PAX4: variants seen among roughly 807,000 people sequenced by gnomAD.
PAX4 encodes the protein paired box 4.
In PAX4, 33 loss-of-function variants were observed where a neutral mutation model predicts 40.6. That is an observed-to-expected ratio of 0.81 (90% CI 0.62 to 1.09). The LOEUF (loss-of-function observed/expected upper bound fraction) is 1.09, where lower values mean the gene tolerates loss of function less well. Ranked by LOEUF, PAX4 falls within the 50% of genes least tolerant of loss-of-function variation. PAX4 has a pLI of 0.00. For missense variants in PAX4, 459 were observed against 442.5 expected, an observed-to-expected ratio of 1.04 and a Z score of -0.33; for synonymous variants, 174 against 170.6, an observed-to-expected ratio of 1.02 and a Z score of -0.16.
Position 127,611,684 on chromosome 7 carries a change from A to G in PAX4, c.772-8T>C. The G allele has an allele frequency of 6.2e-7, 1 of 1,609,260 alleles. No homozygotes were observed. The highest frequency in any genetic ancestry group is 2.2e-5 in the East Asian group (1 of 44,878). On this transcript the variant is annotated splice_region_variant and splice_polypyrimidine_tract_variant and intron_variant, in intron 10 of 11. Coordinates refer to ENST00000639438, the MANE Select transcript of PAX4 (RefSeq NM_001366110.1). ...CACACTGCCAGGGGACTGCTAAAAA[A>G]AAAAAGCAAGAGAAGAACCTTAGCT...
chr7:127,613,161 T>C, intron 8 of PAX4, 70 bp from the exon 9 acceptor site: 2 of 1,265,686 alleles, frequency 1.6e-6, no homozygotes, highest in Non-Finnish European at 2.3e-6. Flanking sequence ...TCTCACCACA[T>C]GTTCCTAGCC....
intron 9 of PAX4, among the ~76,000 whole-genome samples, chr7:127,612,627 A>G (rs931900379): frequency 6.8e-4 from 99 of 145,050 alleles, no homozygotes; most frequent in Non-Finnish European, 1.1e-3. Flanking sequence ...GCATGGATAG[A>G]TGGGTGGATA....
At chr7:127,612,127 T>C in intron 9 of PAX4, 127 bp from the exon 10 acceptor site, 1 of 840,894 alleles carries the variant, frequency 1.2e-6, no homozygotes, top group South Asian at 1.4e-5. Flanking sequence ...TGCAGGGGTG[T>C]GAAGAGATGG....
At chr7:127,617,224 G>A (rs1794735288) in intron 2 of PAX4, 51 bp downstream of exon 2, 1 of 152,180 alleles carries the variant, frequency 6.6e-6, no homozygotes, top group African/African-American at 2.4e-5. Flanking sequence ...AAAGAGTTTG[G>A]AATCCAGAGT....
chr7:127,612,094 T>A, intron 9 of PAX4, 94 bp from the exon 10 acceptor site: 1 of 1,273,018 alleles, frequency 7.9e-7, no homozygotes, highest in Non-Finnish European at 1.1e-6. Flanking sequence ...TACAAAGAGG[T>A]TCTAGGAAAG....
intron 3 of PAX4, 108 bp from the exon 4 acceptor site, chr7:127,615,639 T>C (rs1260309095): frequency 1.3e-6 from 2 of 1,596,504 alleles, no homozygotes; most frequent in Non-Finnish European, 1.7e-6. Flanking sequence ...ACCGAGTGCA[T>C]CCTCTCCTGG....
rs527912599 is a variant in PAX4, at chr7:127,614,974, G to A, written c.266C>T (p.Ala89Val). 1 of 1,614,180 alleles carries A rather than the reference G, an allele frequency of 6.2e-7. No individual in the cohort carries two copies. The highest frequency in any genetic ancestry group is 1.1e-5 in the South Asian group (1 of 91,088). The change falls in exon 5 of 12, where the codon GCC becomes GTC. Residue 89 changes from alanine (A) to valine (V), a missense_variant. Transcript: ENST00000639438. Reference sequence around the variant, plus strand: ...GGCTGGACACTCACCCTTCAGCTGGGCAATTCGAGCCACCACAGGGGGTGT... The same window carrying A: ...GGCTGGACACTCACCCTTCAGCTGGACAATTCGAGCCACCACAGGGGGTGT... ...LATPPVVARIAQLKGECPALF... is the reference protein window; with the variant it reads ...LATPPVVARIVQLKGECPALF...
chr7:127,615,876 G>A (rs1344310465), intron 3 of PAX4, 40 bp downstream of exon 3: 2 of 1,535,968 alleles, frequency 1.3e-6, no homozygotes, highest in Non-Finnish European at 1.7e-6. Context: ...CCCTGTCTCT[G>A]TTGTCCTCCC....
intron 4 of PAX4, 127 bp downstream of exon 4, chr7:127,615,274 C>G (rs1794706332): frequency 1.9e-6 from 3 of 1,602,864 alleles, no homozygotes; most frequent in African/African-American, 2.7e-5. Context: ...CCGAGAGGAT[C>G]TCCCAGGAAG....
rs766469751 is a variant in PAX4 at position 127,611,001 on chromosome 7, G to T, written c.*63C>A. 6.4e-7 allele frequency: 1 copy of T among 1,557,006 alleles called. No individual in the cohort carries two copies. The highest frequency in any genetic ancestry group is 2.4e-5 in the East Asian group (1 of 41,442). On this transcript the variant is annotated 3_prime_UTR_variant, in exon 12 of 12. Coordinates refer to ENST00000639438, the MANE Select transcript of PAX4 (RefSeq NM_001366110.1). ...GAGCCACAGTCTGTATGGGCAGGACGGTAAGGACAATGGGCAGGATGGTAT... is the reference window on the plus strand; with the variant it reads ...GAGCCACAGTCTGTATGGGCAGGACTGTAAGGACAATGGGCAGGATGGTAT...
intron 6 of PAX4, 64 bp downstream of exon 6, chr7:127,614,418 T>G: frequency 7.7e-7 from 1 of 1,301,304 alleles, no homozygotes; most frequent in Non-Finnish European, 1.1e-6. Context: ...AGAAAGGGCT[T>G]TGAGAACTAT....
Position 127,615,483 on chromosome 7 carries a change from G to A in PAX4, c.62C>T (p.Pro21Leu), listed in dbSNP as rs765857498. 1 of 1,614,188 alleles carries A rather than the reference G, an allele frequency of 6.2e-7. No homozygotes were observed. The highest frequency in any genetic ancestry group is 8.5e-7 in the Non-Finnish European group (1 of 1,180,026). The change falls in exon 4 of 12, where the codon CCC becomes CTC. Residue 21 changes from proline to leucine, a missense_variant. Physicochemically the swap from Pro to Leu is moderately conservative, Grantham distance 98. Coordinates refer to ENST00000639438, the MANE Select transcript of PAX4 (RefSeq NM_001366110.1). Reference protein sequence around the residue: ...QLGGLFVNGRPLPLDTRQQIV... With the variant: ...QLGGLFVNGRLLPLDTRQQIV... Reference sequence around the variant, plus strand: ...CTGCTGCCGGGTATCCAGAGGCAGGGGCCGGCCATTCACAAAGAGCCCCCC... The same window carrying A: ...CTGCTGCCGGGTATCCAGAGGCAGGAGCCGGCCATTCACAAAGAGCCCCCC...
chr7:127,613,310 G>T (rs1320282315), intron 8 of PAX4, 140 bp downstream of exon 8: 5 of 889,440 alleles, frequency 5.6e-6, no homozygotes, highest in Non-Finnish European at 7.6e-6. Flanking sequence ...GAACAAGGAG[G>T]ATCTCATCTC....
Position 127,613,490 on chromosome 7 carries a change from T to C in PAX4, c.605A>G (p.Lys202Arg). 2 of 1,614,216 alleles carry C rather than the reference T, an allele frequency of 1.2e-6. No homozygotes were observed. The highest frequency in any genetic ancestry group is 1.7e-6 in the Non-Finnish European group (2 of 1,180,038). ...AGGCAGAGAGGTGGCAGTAGCCAGC[T>C]TTCCACGGGCCACTGAATCAGGATA... ...GQYPDSVARGKLATATSLPED... is the reference protein window; with the variant it reads ...GQYPDSVARGRLATATSLPED... The change falls in exon 8 of 12, where the codon AAG becomes AGG. Residue 202 changes from lysine to arginine, a missense_variant. By Grantham distance (26) the Lys-to-Arg change is conservative. Coordinates refer to ENST00000639438, the MANE Select transcript of PAX4 (RefSeq NM_001366110.1).
At chr7:127,612,404 T>G (rs940514394) in intron 9 of PAX4, among the ~76,000 whole-genome samples, 1 of 151,524 alleles carries the variant, frequency 6.6e-6, no homozygotes, top group African/African-American at 2.4e-5. Flanking sequence ...CATGGGCGGA[T>G]GCATGGGTGG....
Position 127,611,181 on chromosome 7 carries a change from G to A in PAX4, c.939C>T (p.Ser313=), listed in dbSNP as rs1393199871. The change falls in exon 12 of 12, where the codon TCC becomes TCT. Residue 313 remains serine (S), a synonymous_variant. Transcript: ENST00000639438. ...CWGHLPPQPN[S]LDSGLLCLPC... is the part of the protein sequence containing the mutation. Reference sequence around the variant, plus strand: ...GAAGGCAAAGCAGTCCTGAGTCCAGGGAATTCGGCTGTGGGGGCAAGTGGC... The same window carrying A: ...GAAGGCAAAGCAGTCCTGAGTCCAGAGAATTCGGCTGTGGGGGCAAGTGGC... 6.2e-7 allele frequency: 1 copy of A among 1,603,550 alleles called. No individual in the cohort carries two copies. Among genetic ancestry groups the A allele is most frequent in the Admixed American group, 1.7e-5 (1 of 58,396 alleles).
At chr7:127,611,299 C>T (rs1794621326) in intron 11 of PAX4, 93 bp from the exon 12 acceptor site, 2 of 1,332,650 alleles carry the variant, frequency 1.5e-6, no homozygotes, top group East Asian at 4.9e-5. Flanking sequence ...CAGTTTCCCA[C>T]CCTGCATATA....
intron 3 of PAX4, 150 bp from the exon 4 acceptor site, chr7:127,615,681 A>G: frequency 2.6e-6 from 4 of 1,538,996 alleles, no homozygotes; most frequent in Non-Finnish European, 3.5e-6. Context: ...CCAGGCTGTC[A>G]ACGCAAGCTG....
chr7:127,615,714 G>A (rs893368544), intron 3 of PAX4, 183 bp from the exon 4 acceptor site: 21 of 1,508,476 alleles, frequency 1.4e-5, no homozygotes, highest in Middle Eastern at 1.9e-4. Context: ...GCTGGCTCAC[G>A]GGTGAGTCTT....
Sources: allele counts gnomAD v4.1 joint callset (sites outside exome capture counted in the v4.1 genomes callset), GRCh38; gene constraint gnomAD v4.1.1; transcripts MANE v1.5; gene names NCBI Gene and HGNC (gene_info 2026-07-23, HGNC 2026-07-21).